Variants in RAD51B observed in about 807,000 individuals in gnomAD.
RAD51B encodes the protein DNA repair protein RAD51 homolog 2.
A neutral mutation model predicts 42.2 loss-of-function variants in RAD51B; 38 were observed. That is an observed-to-expected ratio of 0.90 (90% CI 0.70 to 1.18). RAD51B has a LOEUF of 1.18. RAD51B is among the 50% of genes most tolerant of loss of function. The probability of loss-of-function intolerance (pLI) is 0.00; values close to 1 mark genes in which losing one functional copy is unlikely to be tolerated. For missense variants in RAD51B, 373 were observed against 400.7 expected (o/e 0.93, Z 0.59); for synonymous variants, 154 against 145.2 (o/e 1.06, Z -0.43).
At chr14:68,522,224 T>C (rs922130163) in intron 10 of RAD51B, among the ~76,000 whole-genome samples, 2 of 152,204 alleles carry the variant, frequency 1.3e-5, no homozygotes, top group African/African-American at 2.4e-5. Context: ...CTGGCTCAGT[T>C]TGACCCCTTT....
At chr14:68,222,415 G>A (rs1015771521) in intron 7 of RAD51B, among the ~76,000 whole-genome samples, 2 of 152,326 alleles carry the variant, frequency 1.3e-5, no homozygotes, top group East Asian at 3.9e-4. Context: ...TCTAAGTGAA[G>A]TAACTCAGGA....
At chr14:68,344,966 AAC>A (rs1594697123) in intron 8 of RAD51B, among the ~76,000 whole-genome samples, 1 of 151,484 alleles carries the variant, frequency 6.6e-6, no homozygotes, top group African/African-American at 2.4e-5. Flanking sequence ...AAAAAAAAAA[AAC>A]AACATTTAAT....
intron 9 of RAD51B, among the ~76,000 whole-genome samples, chr14:68,435,540 A>G (rs1416799312): frequency 7.3e-6 from 1 of 136,876 alleles, no homozygotes; most frequent in Admixed American, 7.7e-5. Flanking sequence ...CTTTGGGTAT[A>G]TACCCAGCAA....
At chr14:68,161,831 A>G (rs558970375) in intron 7 of RAD51B, among the ~76,000 whole-genome samples, 6 of 152,352 alleles carry the variant, frequency 3.9e-5, no homozygotes, top group East Asian at 3.9e-4. Context: ...ATGTGAAACC[A>G]TGATGGTTGC....
chr14:67,966,627 C>T (rs2074784152), intron 7 of RAD51B, among the ~76,000 whole-genome samples: 1 of 152,140 alleles, frequency 6.6e-6, no homozygotes. Flanking sequence ...TTTCTCTATG[C>T]ATTGACTTAG....
In RAD51B at chr14:68,581,430, G is replaced by T. The variant is rs368685391; in HGVS notation, c.1037-13055G>T. 6.6e-5 allele frequency among the ~76,000 whole-genome samples: 10 copies of T among 152,302 alleles called. No individual in the cohort carries two copies. The East Asian group carries it at 1.2e-3, about 18-fold the overall frequency. ...ATGCTCAGGAGGTTAGGTGGATCCA[G>T]TGCATTTTCACTGGTATTTCCAGCT... is the stretch of plus-strand genomic sequence containing the variant. On this transcript the variant is annotated intron_variant, in intron 10 of 10. Coordinates refer to the RAD51B transcript ENST00000487270.
At chr14:67,861,691 A>G (rs1443883977) in intron 4 of RAD51B, among the ~76,000 whole-genome samples, 1 of 152,110 alleles carries the variant, frequency 6.6e-6, no homozygotes, top group Non-Finnish European at 1.5e-5. Context: ...TGCATTGCAG[A>G]TTAAACACCA....
chr14:68,510,564 G>A (rs1244553246), intron 10 of RAD51B, among the ~76,000 whole-genome samples: 1 of 152,188 alleles, frequency 6.6e-6, no homozygotes, highest in Non-Finnish European at 1.5e-5. Flanking sequence ...TAATTAACAG[G>A]TTTCAAAGTG....
At chr14:68,443,070 G>A (rs1486907897) in intron 9 of RAD51B, among the ~76,000 whole-genome samples, 1 of 152,158 alleles carries the variant, frequency 6.6e-6, no homozygotes, top group Non-Finnish European at 1.5e-5. Flanking sequence ...TTGGCCTCTT[G>A]CTTAAGCATT....
chr14:68,415,701 A>G (rs1403774259), intron 9 of RAD51B, among the ~76,000 whole-genome samples: 2 of 152,178 alleles, frequency 1.3e-5, no homozygotes, highest in African/African-American at 4.8e-5. Context: ...TGCTATTACA[A>G]AGTGCCTTCT....
intron 9 of RAD51B, among the ~76,000 whole-genome samples, chr14:68,433,640 C>A (rs936688223): frequency 2.9e-4 from 44 of 152,156 alleles, no homozygotes; most frequent in African/African-American, 1.1e-3. Context: ...TTCTAGTTAG[C>A]CATTCGTCTA....
chr14:68,672,877 T>C (rs1300065451), intron 11 of RAD51B, among the ~76,000 whole-genome samples: 1 of 152,214 alleles, frequency 6.6e-6, no homozygotes, highest in African/African-American at 2.4e-5. Flanking sequence ...TGAATCGTGC[T>C]CCTGATTAGT....
chr14:68,563,373 G>A (rs1889250920), intron 10 of RAD51B: 1 of 985,436 alleles, frequency 1.0e-6, no homozygotes, highest in Non-Finnish European at 1.2e-6. Context: ...GATACTGCGA[G>A]CTGGGTTTTT....
intron 9 of RAD51B, among the ~76,000 whole-genome samples, chr14:68,438,813 A>G (rs779316754): frequency 3.3e-5 from 5 of 152,192 alleles, no homozygotes; most frequent in East Asian, 1.9e-4. Flanking sequence ...AGAGGGCCCT[A>G]TGGAGAGCTA....
intron 5 of RAD51B, among the ~76,000 whole-genome samples, chr14:67,874,567 C>T (rs900843989): frequency 2.0e-5 from 3 of 152,054 alleles, no homozygotes; most frequent in African/African-American, 7.2e-5. Flanking sequence ...TGGCGCTAAC[C>T]AGACTGAGTT....
intron 8 of RAD51B, among the ~76,000 whole-genome samples, chr14:68,409,567 G>A (rs1486872992): frequency 6.6e-6 from 1 of 152,238 alleles, no homozygotes; most frequent in African/African-American, 2.4e-5. Flanking sequence ...AGAAGCAGAA[G>A]AGGCCAGTAG....
intron 7 of RAD51B, among the ~76,000 whole-genome samples, chr14:68,111,206 T>A (rs1045525133): frequency 2.0e-5 from 3 of 152,126 alleles, no homozygotes; most frequent in South Asian, 2.1e-4. Flanking sequence ...AACTTTTTTT[T>A]ATTATTAAAT....
chr14:68,339,553 A>G (rs1170239909), intron 8 of RAD51B: 1 of 359,244 alleles, frequency 2.8e-6, no homozygotes, highest in Non-Finnish European at 5.0e-6. Flanking sequence ...GGAGAGACTT[A>G]TGGTTGCCAT....
chr14:68,626,899 T>C (rs1310097071), intron 10 of RAD51B, among the ~76,000 whole-genome samples: 1 of 152,194 alleles, frequency 6.6e-6, no homozygotes, highest in Admixed American at 6.5e-5. Flanking sequence ...GCTTCCTTTA[T>C]ATAAAGATAA....
Sources: gnomAD v4.1 joint callset for allele counts (sites outside exome capture counted in the v4.1 genomes callset) on GRCh38, gnomAD v4.1.1 for gene constraint, MANE v1.5 for transcripts, NCBI Gene and HGNC (gene_info 2026-07-23, HGNC 2026-07-21) for gene names.